The following VAV2 variants were observed in gnomAD, a reference collection of about 807,000 sequenced individuals.
VAV2 encodes the protein guanine nucleotide exchange factor VAV2.
Under a neutral mutation model 132.5 loss-of-function variants are expected in VAV2, and 67 were observed. The observed-to-expected ratio is 0.51, with a 90% CI of 0.42 to 0.62. The LOEUF (loss-of-function observed/expected upper bound fraction) is 0.62, where lower values mean the gene tolerates loss of function less well. Among genes scored for constraint, VAV2 ranks in the 20% least tolerant of loss-of-function variants. The pLI, the probability that VAV2 is intolerant of heterozygous loss-of-function variation, is 0.00. For synonymous variants in VAV2, 492 were observed against 443.5 expected (o/e 1.11, Z -1.37); for missense variants, 938 against 1,153.6 (o/e 0.81, Z 2.71).
Position 133,896,134 on chromosome 9 carries a change from TTAACGAGCA to T in VAV2, c.322-34711_322-34703del, listed in dbSNP as rs557666414. ...TAAGATTAGGGAGTGGTGATGACTC[TTAACGAGCA>T]TAACACTAAAATCTTTATTAACGTT... On this transcript the variant is annotated intron_variant, in intron 2 of 29. Transcript: ENST00000371850. Among the ~76,000 whole-genome samples, 94 of 152,092 alleles carry T rather than the reference TTAACGAGCA, an allele frequency of 6.2e-4. 17 individuals are homozygous for T. The South Asian group carries it at 0.016, about 26-fold the overall frequency.
chr9:133,898,006 G>C (rs1057119534), intron 2 of VAV2, among the ~76,000 whole-genome samples: 1 of 152,102 alleles, frequency 6.6e-6, no homozygotes, highest in African/African-American at 2.4e-5. Context: ...GCCCAGCAGG[G>C]CTTAGGGACA....
chr9:133,831,916 T>C (rs949307557), intron 4 of VAV2, among the ~76,000 whole-genome samples: 17 of 152,146 alleles, frequency 1.1e-4, no homozygotes, highest in Non-Finnish European at 2.1e-4. Context: ...TGGACCTCAG[T>C]TTCCTTATCT....
At chr9:133,812,831 C>T (rs1835410186) in intron 4 of VAV2, among the ~76,000 whole-genome samples, 1 of 152,224 alleles carries the variant, frequency 6.6e-6, no homozygotes, top group Non-Finnish European at 1.5e-5. Flanking sequence ...CAACAAGCCA[C>T]CCCTCTGCCT....
intron 9 of VAV2, among the ~76,000 whole-genome samples, chr9:133,799,920 C>T (rs1179426939): frequency 6.6e-6 from 1 of 152,094 alleles, no homozygotes; most frequent in Non-Finnish European, 1.5e-5. Context: ...TGCACCTGCC[C>T]CGCTCCGGAT....
intron 1 of VAV2, among the ~76,000 whole-genome samples, chr9:133,953,825 C>T (rs682418): frequency 0.29 from 43,478 of 152,100 alleles, 6,465 homozygotes; most frequent in East Asian, 0.41. Context: ...AGCTGCCTCC[C>T]TGTCTCCAAA....
chr9:133,915,011 G>A (rs1450459857), intron 2 of VAV2, among the ~76,000 whole-genome samples: 1 of 152,268 alleles, frequency 6.6e-6, no homozygotes, highest in East Asian at 1.9e-4. Flanking sequence ...GACCTGGGAG[G>A]GAGCAGGGAA....
At chr9:133,979,691 C>T (rs554406073) in intron 1 of VAV2, among the ~76,000 whole-genome samples, 6 of 152,348 alleles carry the variant, frequency 3.9e-5, no homozygotes, top group Admixed American at 6.5e-5. Flanking sequence ...CTCTGGCCCA[C>T]GAGGACCTCC....
At position 133,918,767 on chromosome 9, in the gene VAV2, G is replaced by GTT. The variant is rs1554808888; in HGVS notation, c.321+20335_321+20336insAA. Among the ~76,000 whole-genome samples, 54 of 151,914 alleles carry GTT rather than the reference G, an allele frequency of 3.6e-4. No individual in the cohort carries two copies. The highest frequency in any genetic ancestry group is 1.3e-3 in the African/African-American group (52 of 41,382). On this transcript the variant is annotated intron_variant, in intron 2 of 29. Transcript: ENST00000371850. The surrounding 1 kb of genome is among the most constrained non-coding windows in gnomAD (Gnocchi z 4.7). ...AGAAGCAGCCGCCATGTGTGTGTGT[G>GTT]TGTTTGTTTGTTTGTTTGTTTGTTT...
chr9:133,862,412 G>A (rs1269144001), intron 2 of VAV2, among the ~76,000 whole-genome samples: 2 of 152,262 alleles, frequency 1.3e-5, no homozygotes, highest in Non-Finnish European at 2.9e-5. Flanking sequence ...GCTCCTGAGC[G>A]ACAGACTCAG....
intron 2 of VAV2, among the ~76,000 whole-genome samples, chr9:133,878,754 CA>C (rs1588304321): frequency 6.6e-6 from 1 of 152,348 alleles, no homozygotes; most frequent in East Asian, 1.9e-4. Context: ...CCACCCACAC[CA>C]GGGGGTCCCG....
rs748393651 is a variant in VAV2 at position 133,898,967 on chromosome 9, A to T, written c.322-37535T>A. 2.3e-4 allele frequency among the ~76,000 whole-genome samples: 35 copies of T among 151,184 alleles called. 1 individual carries two copies. Among genetic ancestry groups the T allele is most frequent in the Non-Finnish European group, 4.7e-4 (32 of 67,812 alleles). On this transcript the variant is annotated intron_variant, in intron 2 of 29. Coordinates refer to ENST00000371850, the MANE Select transcript of VAV2 (RefSeq NM_001134398.2). ...CTCCCCAATAGCTGGGACTACAGGC[A>T]CCCGCCACCACGCCCGGCTAATTTT...
intron 12 of VAV2, among the ~76,000 whole-genome samples, chr9:133,792,684 C>CA (rs1426260312): frequency 1.5e-5 from 2 of 129,310 alleles, no homozygotes; most frequent in Non-Finnish European, 3.2e-5. Flanking sequence ...AGGGACCCCC[C>CA]CCCCCACCCC....
rs1471767990 is a variant in VAV2, at chr9:133,783,559, T to C, written c.1667A>G (p.Lys556Arg). ...GTFYQGYMCT[K>R]CGVGAHKECL... ...CTCCTTGTGTGCCCCGACGCCACAC[T>C]TGGTACACATGTATCCCTGGTAGAA... is the stretch of plus-strand genomic sequence containing the variant. Residue 556 changes from lysine to arginine, a missense_variant, in exon 19 of 30, where the codon AAG becomes AGG. Physicochemically the swap from Lys to Arg is conservative, Grantham distance 26 (BLOSUM62 2). Transcript: ENST00000371850. 1.9e-6 allele frequency: 3 copies of C among 1,613,854 alleles called. No homozygotes were observed. The highest frequency in any genetic ancestry group is 2.5e-6 in the Non-Finnish European group (3 of 1,179,946).
intron 19 of VAV2, among the ~76,000 whole-genome samples, chr9:133,783,285 G>C (rs1834075662): frequency 6.6e-6 from 1 of 152,160 alleles, no homozygotes; most frequent in Non-Finnish European, 1.5e-5. Context: ...CATTAGGAGA[G>C]AGGGCTTGGA....
intron 2 of VAV2, 100 bp from the exon 3 acceptor site, chr9:133,861,532 A>T (rs555826009): frequency 7.6e-7 from 1 of 1,320,480 alleles, no homozygotes; most frequent in East Asian, 2.5e-5. Flanking sequence ...AGAACTGTTA[A>T]CTGAGCACAT....
chr9:133,971,666 C>G (rs940722552), intron 1 of VAV2, among the ~76,000 whole-genome samples: 6 of 152,174 alleles, frequency 3.9e-5, no homozygotes, highest in African/African-American at 1.4e-4. Flanking sequence ...TCAAGGCCAG[C>G]GTGGGAAGGA....
intron 4 of VAV2, among the ~76,000 whole-genome samples, chr9:133,813,842 CCT>C (rs1469146822): frequency 6.6e-6 from 1 of 152,250 alleles, no homozygotes; most frequent in Non-Finnish European, 1.5e-5. Flanking sequence ...TGGGCAAGCC[CCT>C]CTGTGTGCCA....
In VAV2 at chr9:133,867,104, G is replaced by A. The variant is rs534012780; in HGVS notation, c.322-5672C>T. On this transcript the variant is annotated intron_variant, in intron 2 of 29. Transcript: ENST00000371850. ...CCCTGCAGGGGACACAACACCGCCC[G>A]TGAGTGCCGAGTGAGGACACGGCCA... Among the ~76,000 whole-genome samples, 160 of 152,270 alleles carry A rather than the reference G, an allele frequency of 1.1e-3. 2 individuals are homozygous for A. Among genetic ancestry groups the A allele is most frequent in the Admixed American group, 3.2e-3 (49 of 15,308 alleles).
chr9:133,910,287 C>T (rs112218578), intron 2 of VAV2, among the ~76,000 whole-genome samples: 23 of 152,280 alleles, frequency 1.5e-4, no homozygotes, highest in Middle Eastern at 6.8e-3. Context: ...CCCTCCAAGA[C>T]GAACAAACCC....
Sources: gnomAD v4.1 joint callset for allele counts (sites outside exome capture counted in the v4.1 genomes callset) on GRCh38, gnomAD v4.1.1 for gene constraint, Gnocchi (gnomAD v3.1) non-coding constraint, MANE v1.5 for transcripts, NCBI Gene and HGNC (gene_info 2026-07-23, HGNC 2026-07-21) for gene names.